VEPH1: variants seen among roughly 807,000 people sequenced by gnomAD.
VEPH1 encodes ventricular zone expressed PH domain containing 1, also known as ventricular zone-expressed PH domain-containing protein homolog 1.
A neutral mutation model predicts 85.2 loss-of-function variants in VEPH1; 80 were observed. The observed-to-expected ratio is 0.94, with a 90% confidence interval of 0.78 to 1.13. The LOEUF is 1.13. VEPH1 is among the 50% of genes most tolerant of loss of function. The pLI is 0.00. For synonymous variants in VEPH1, 297 were observed against 348.0 expected (o/e 0.85, Z 1.63); for missense variants, 955 against 980.5 (o/e 0.97, Z 0.35).
intron 3 of VEPH1, among the ~76,000 whole-genome samples, chr3:157,464,993 A>G (rs1438331378): frequency 6.6e-6 from 1 of 152,208 alleles, no homozygotes; most frequent in Non-Finnish European, 1.5e-5. Flanking sequence ...TAATTGGCAC[A>G]CAAGCTAAGT....
chr3:157,291,950 T>A (rs1717525738), intron 11 of VEPH1, among the ~76,000 whole-genome samples: 1 of 152,210 alleles, frequency 6.6e-6, no homozygotes, highest in Non-Finnish European at 1.5e-5. Context: ...TCTCTATATA[T>A]CTATCTCTAT....
intron 11 of VEPH1, among the ~76,000 whole-genome samples, chr3:157,303,512 CT>C: frequency 6.6e-6 from 1 of 152,268 alleles, no homozygotes; most frequent in South Asian, 2.1e-4. Flanking sequence ...TCATGCCATT[CT>C]TTCTATATGG....
chr3:157,279,535 G>A (rs1715813913), intron 12 of VEPH1, among the ~76,000 whole-genome samples: 1 of 152,142 alleles, frequency 6.6e-6, no homozygotes, highest in Non-Finnish European at 1.5e-5. Context: ...AGGGAAAGGG[G>A]AGGATAAGCC....
intron 3 of VEPH1, among the ~76,000 whole-genome samples, chr3:157,465,475 C>G (rs1021890119): frequency 6.6e-6 from 1 of 152,176 alleles, no homozygotes; most frequent in Non-Finnish European, 1.5e-5. Flanking sequence ...TGAGGCAGCT[C>G]CTCTTAATAT....
Position 157,428,481 on chromosome 3 carries a change from G to C in VEPH1, c.537C>G (p.Thr179=). The change falls in exon 5 of 14, where the codon ACC becomes ACG. Residue 179 remains threonine, a synonymous_variant. Transcript: ENST00000362010. Reference sequence around the variant, plus strand: ...CAGCAGGTAACACTCTCAACAACATGGTGTTACCTGTTGAGGGAACAATAA... The same window carrying C: ...CAGCAGGTAACACTCTCAACAACATCGTGTTACCTGTTGAGGGAACAATAA... ...VIVKSILQGN[T]MLLRVLPAVY... is the part of the protein sequence containing the mutation. 1 of 1,613,364 alleles carries C rather than the reference G, an allele frequency of 6.2e-7. No homozygotes were observed. The highest frequency in any genetic ancestry group is 1.1e-5 in the South Asian group (1 of 91,026).
chr3:157,417,333 T>C (rs1025127568), intron 5 of VEPH1, among the ~76,000 whole-genome samples: 2 of 152,144 alleles, frequency 1.3e-5, no homozygotes, highest in African/African-American at 4.8e-5. Context: ...CCACTAAGAA[T>C]ATAGATTCTG....
At chr3:157,283,977 T>A (rs1716457161) in intron 12 of VEPH1, among the ~76,000 whole-genome samples, 3 of 152,188 alleles carry the variant, frequency 2.0e-5, no homozygotes, top group Non-Finnish European at 4.4e-5. Context: ...TACATAGTAC[T>A]CAGTTGGGCA....
At chr3:157,409,984 T>C in intron 6 of VEPH1, 1 of 939,632 alleles carries the variant, frequency 1.1e-6, no homozygotes. Context: ...TCAGTCAGTA[T>C]GCTCTGATCA....
chr3:157,407,712 T>C (rs1183326398), intron 6 of VEPH1, among the ~76,000 whole-genome samples: 1 of 152,154 alleles, frequency 6.6e-6, no homozygotes, highest in Non-Finnish European at 1.5e-5. Context: ...AATTTCAGTC[T>C]GTTAGGGTCA....
At chr3:157,323,927 G>A (rs757987135) in intron 9 of VEPH1, among the ~76,000 whole-genome samples, 1 of 152,086 alleles carries the variant, frequency 6.6e-6, no homozygotes, top group African/African-American at 2.4e-5. Flanking sequence ...GGGGTGAGGA[G>A]CATGCACATT....
intron 9 of VEPH1, among the ~76,000 whole-genome samples, chr3:157,361,392 C>A (rs1726034302): frequency 6.6e-6 from 1 of 152,202 alleles, no homozygotes; most frequent in Non-Finnish European, 1.5e-5. Context: ...AGAACACACT[C>A]TTTCCTCTGA....
intron 4 of VEPH1, chr3:157,442,811 A>G (rs1734239670): frequency 6.2e-7 from 1 of 1,614,196 alleles, no homozygotes; most frequent in South Asian, 1.1e-5. Context: ...TTGATGAAAC[A>G]TTAGCCTTCT....
intron 11 of VEPH1, among the ~76,000 whole-genome samples, chr3:157,307,686 A>G (rs1719659775): frequency 6.6e-6 from 1 of 151,628 alleles, no homozygotes; most frequent in Non-Finnish European, 1.5e-5. Flanking sequence ...CTTTCTTAGG[A>G]TTTTGTTTAT....
rs749218276 is a variant in VEPH1, at chr3:157,317,173, C to T, written c.1764G>A (p.Leu588=). The change falls in exon 10 of 14, where the codon TTG becomes TTA. Residue 588 remains leucine, a synonymous_variant. Transcript: ENST00000362010. ...GACCCTTCAGGGAGCAGGTGAAGAA[C>T]AACTTTGCTACACAACTTCTCACAG... The part of the protein sequence containing the change: ...EDTVRSCVAK[L]FFTCSLKGHY... The T allele has an allele frequency of 3.1e-6, 5 of 1,611,776 alleles. No individual in the cohort carries two copies. The highest frequency in any genetic ancestry group is 2.5e-6 in the Non-Finnish European group (3 of 1,178,986).
intron 2 of VEPH1, among the ~76,000 whole-genome samples, chr3:157,485,724 T>C (rs1232749558): frequency 6.6e-6 from 1 of 152,088 alleles, no homozygotes; most frequent in African/African-American, 2.4e-5. Context: ...ATATTTTCTA[T>C]TTTGATTATT....
At chr3:157,310,405 A>G (rs1354492290) in intron 11 of VEPH1, among the ~76,000 whole-genome samples, 1 of 152,184 alleles carries the variant, frequency 6.6e-6, no homozygotes, top group Admixed American at 6.5e-5. Context: ...TGAGGTAGGT[A>G]CTAATATTAT....
At position 157,273,980 on chromosome 3, in the gene VEPH1, T is replaced by G. The variant is rs1248312005; in HGVS notation, c.2129-8318A>C. On this transcript the variant is annotated intron_variant, in intron 12 of 13. Coordinates refer to ENST00000362010, the MANE Select transcript of VEPH1 (RefSeq NM_001167912.2). ...TGGTTTATGTGGTAAGAGCACTGTC[T>G]TTGGAGGCCGACCTCAGTTGAAGTC... Among the ~76,000 whole-genome samples, 4 of 152,212 alleles carry G rather than the reference T, an allele frequency of 2.6e-5. No homozygotes were observed. In the South Asian group the frequency reaches 8.3e-4, roughly 31 times the overall value.
chr3:157,278,097 T>C (rs1336619401), intron 12 of VEPH1, among the ~76,000 whole-genome samples: 1 of 152,078 alleles, frequency 6.6e-6, no homozygotes, highest in Non-Finnish European at 1.5e-5. Flanking sequence ...AACTTACTAT[T>C]TACTGGAGGA....
At chr3:157,481,459 CACACACAAAA>C (rs1738053222) in intron 2 of VEPH1, among the ~76,000 whole-genome samples, 1 of 66,558 alleles carries the variant, frequency 1.5e-5, no homozygotes, top group Non-Finnish European at 2.6e-5. Flanking sequence ...CACACACACA[CACACACAAAA>C]AAAAAAAAAA....
Sources: gnomAD v4.1 joint callset for allele counts (sites outside exome capture counted in the v4.1 genomes callset) on GRCh38, gnomAD v4.1.1 for gene constraint, MANE v1.5 for transcripts, NCBI Gene and HGNC (gene_info 2026-07-23, HGNC 2026-07-21) for gene names.